The following RGL1 variants were observed in gnomAD, a reference collection of about 807,000 sequenced individuals.
RGL1 encodes ral guanine nucleotide dissociation stimulator like 1.
RGL1 carries 24 observed loss-of-function variants against 95.2 expected under a neutral mutation model. The ratio of observed to expected loss-of-function variants is 0.25; its 90% CI spans 0.18 to 0.35. RGL1 has a LOEUF of 0.35. Among genes scored for constraint, RGL1 ranks in the 10% least tolerant of loss-of-function variants. The pLI, the probability that RGL1 is intolerant of heterozygous loss-of-function variation, is 1.00. For missense variants in RGL1, 715 were observed against 936.3 expected, an observed-to-expected ratio of 0.76 and a Z score of 3.08; for synonymous variants, 329 against 344.9, an observed-to-expected ratio of 0.95 and a Z score of 0.51.
chr1:183,695,489 A>G (rs1212962928), intron 1 of RGL1, among the ~76,000 whole-genome samples: 4 of 152,212 alleles, frequency 2.6e-5, no homozygotes, highest in Non-Finnish European at 5.9e-5. Context: ...TGATTTGTAC[A>G]AATTATTTGA....
chr1:183,683,581 T>A (rs2102086296), intron 1 of RGL1, among the ~76,000 whole-genome samples: 1 of 152,340 alleles, frequency 6.6e-6, no homozygotes, highest in South Asian at 2.1e-4. Flanking sequence ...GACCTTTCTT[T>A]CTGGTTGCCC....
chr1:183,890,943 C>T (rs1190103495), intron 8 of RGL1, among the ~76,000 whole-genome samples: 1 of 152,076 alleles, frequency 6.6e-6, no homozygotes, highest in African/African-American at 2.4e-5. Flanking sequence ...GGACTGTATA[C>T]TTCAATGATA....
In RGL1 at chr1:183,818,506, A is replaced by G. The variant is rs187047875; in HGVS notation, c.138+12021A>G. Among the ~76,000 whole-genome samples, 212 of 152,052 alleles carry G rather than the reference A, an allele frequency of 1.4e-3. 2 individuals carry two copies. The highest frequency in any genetic ancestry group is 1.8e-4 in the Non-Finnish European group (12 of 67,976). ...TATCTTTACTCTTCTACTTTTCCCA[A>G]CCTCTCTTCTGGATTAAGGATCCTT... On this transcript the variant is annotated intron_variant, in intron 2 of 17. Transcript: ENST00000360851.
At chr1:183,853,006 TTCTC>T (rs1398911591) in intron 3 of RGL1, among the ~76,000 whole-genome samples, 4 of 152,130 alleles carry the variant, frequency 2.6e-5, no homozygotes, top group Non-Finnish European at 5.9e-5. Context: ...TTCTTGAACA[TTCTC>T]TCTTTCTGTG....
chr1:183,682,131 T>C (rs1165149709), intron 1 of RGL1, among the ~76,000 whole-genome samples: 2 of 152,230 alleles, frequency 1.3e-5, no homozygotes, highest in Admixed American at 6.5e-5. Flanking sequence ...CCTGGATTCA[T>C]TGATTTTTTT....
intron 17 of RGL1, 96 bp downstream of exon 17, chr1:183,922,432 G>A (rs778096853): frequency 1.0e-4 from 90 of 901,434 alleles, no homozygotes; most frequent in Non-Finnish European, 1.5e-4. Flanking sequence ...AAACGGATAC[G>A]TATTGTTTTA....
At chr1:183,809,802 A>T (rs181222675) in intron 2 of RGL1, among the ~76,000 whole-genome samples, 1 of 152,082 alleles carries the variant, frequency 6.6e-6, no homozygotes, top group Admixed American at 6.6e-5. Flanking sequence ...AAATAAAATT[A>T]AAAAATTAGC....
intron 1 of RGL1, among the ~76,000 whole-genome samples, chr1:183,657,053 T>C (rs1388789273): frequency 1.3e-5 from 2 of 152,022 alleles, no homozygotes; most frequent in Non-Finnish European, 2.9e-5. Flanking sequence ...TTGGGGTCTT[T>C]TGTAGTTCCA....
At chr1:183,920,468 A>G (rs973389705) in intron 16 of RGL1, among the ~76,000 whole-genome samples, 6 of 152,268 alleles carry the variant, frequency 3.9e-5, no homozygotes, top group Non-Finnish European at 2.9e-5. Flanking sequence ...TTGTAATCAT[A>G]AGTTTGATTC....
chr1:183,856,679 A>G lies in RGL1; in HGVS notation c.347+8905A>G, dbSNP rs186025063. Among the ~76,000 whole-genome samples the G allele has an allele frequency of 2.7e-5, 4 of 150,914 alleles. No homozygotes were observed. The East Asian group carries it at 5.8e-4, about 22-fold the overall frequency. Reference sequence around the variant, plus strand: ...GTTAAGGTGTTTTTTAAAAAAAGGTAGATTGCTGAAAGATAAATTGGACTT... The same window carrying G: ...GTTAAGGTGTTTTTTAAAAAAAGGTGGATTGCTGAAAGATAAATTGGACTT... On this transcript the variant is annotated intron_variant, in intron 3 of 17. Transcript: ENST00000360851.
chr1:183,825,858 C>T (rs574912724), intron 2 of RGL1, among the ~76,000 whole-genome samples: 15 of 152,088 alleles, frequency 9.9e-5, no homozygotes, highest in Non-Finnish European at 7.4e-5. Flanking sequence ...TGTCTAATCA[C>T]TCATATAAAT....
At chr1:183,727,888 A>G (rs1350103937) in intron 1 of RGL1, among the ~76,000 whole-genome samples, 1 of 152,188 alleles carries the variant, frequency 6.6e-6, no homozygotes, top group Admixed American at 6.6e-5. Context: ...AATTTTGTGT[A>G]TTAGCTTGAC....
At chr1:183,750,149 T>C (rs938293979) in intron 2 of RGL1, among the ~76,000 whole-genome samples, 1 of 152,208 alleles carries the variant, frequency 6.6e-6, no homozygotes, top group Non-Finnish European at 1.5e-5. Flanking sequence ...TATCCTGAAG[T>C]GTGTTTTCCA....
At chr1:183,684,338 T>G (rs1304796188) in intron 1 of RGL1, among the ~76,000 whole-genome samples, 1 of 152,212 alleles carries the variant, frequency 6.6e-6, no homozygotes, top group Non-Finnish European at 1.5e-5. Context: ...CTGGTGACTT[T>G]GGATGGGGTT....
At chr1:183,787,399 C>G (rs1396615974) in intron 2 of RGL1, among the ~76,000 whole-genome samples, 1 of 152,124 alleles carries the variant, frequency 6.6e-6, no homozygotes, top group African/African-American at 2.4e-5. Context: ...GTCTTTTTTC[C>G]TCTCTCAAGA....
In RGL1 at chr1:183,713,376, ACC is replaced by A. The variant is rs67341503; in HGVS notation, c.-32-28739_-32-28738del. Among the ~76,000 whole-genome samples the A allele has an allele frequency of 5.5e-3, 263 of 48,148 alleles. 15 individuals carry two copies. Among genetic ancestry groups the A allele is most frequent in the Middle Eastern group, 0.022 (2 of 92 alleles). The allele number at this position is 48,148 out of a possible 152,430, so 31.6% of individuals were successfully genotyped here. A position where few individuals can be genotyped will look rare whatever the true frequency, so the allele number is the denominator to read the frequency against. The stretch of plus-strand genomic sequence containing the variant: ...CTTTTTGAAAAAAAAATCTAGAGGC[ACC>A]CCCCCCCCCCGCTTTTATAATGACC... On this transcript the variant is annotated intron_variant, in intron 1 of 18. Transcript: ENST00000304685.
intron 1 of RGL1, among the ~76,000 whole-genome samples, chr1:183,663,593 G>A (rs1180862699): frequency 1.3e-5 from 2 of 152,112 alleles, no homozygotes; most frequent in South Asian, 2.1e-4. Flanking sequence ...GGAGAAATTG[G>A]AACACTTTTA....
At chr1:183,716,275 A>G (rs1182862266) in intron 1 of RGL1, among the ~76,000 whole-genome samples, 1 of 152,228 alleles carries the variant, frequency 6.6e-6, no homozygotes, top group East Asian at 1.9e-4. Context: ...ATATAAACAC[A>G]GATAAAAACT....
chr1:183,648,740 T>C (rs1650502860), intron 1 of RGL1: 1 of 1,613,130 alleles, frequency 6.2e-7, no homozygotes, highest in Non-Finnish European at 8.5e-7. Flanking sequence ...GTTTTACTAT[T>C]GTTCCATGAT....
Sources: gnomAD v4.1 joint callset for allele counts (sites outside exome capture counted in the v4.1 genomes callset) on GRCh38, gnomAD v4.1.1 for gene constraint, MANE v1.5 for transcripts, NCBI Gene and HGNC (gene_info 2026-07-23, HGNC 2026-07-21) for gene names.